The following STAU1 variants were observed in gnomAD, a reference collection of about 807,000 sequenced individuals.
The protein encoded by STAU1 is double-stranded RNA-binding protein Staufen homolog 1.
A neutral mutation model predicts 62.9 loss-of-function variants in STAU1; 13 were observed. That is an observed-to-expected ratio of 0.21 (90% confidence interval 0.13 to 0.33). STAU1 has a LOEUF of 0.33. Among genes scored for constraint, STAU1 ranks in the 10% least tolerant of loss-of-function variants. STAU1 has a pLI of 1.00. For missense variants in STAU1, 571 were observed against 712.1 expected (o/e 0.80, Z 2.25); for synonymous variants, 269 against 265.1 (o/e 1.01, Z -0.14).
At chr20:49,166,662 T>C (rs1452478765) in intron 2 of STAU1, among the ~76,000 whole-genome samples, 1 of 152,192 alleles carries the variant, frequency 6.6e-6, no homozygotes, top group Non-Finnish European at 1.5e-5. Context: ...GGTTTCTTTC[T>C]GGTCTCAAAA....
Position 49,115,879 on chromosome 20 carries a change from G to A in STAU1, c.1633-12C>T, listed in dbSNP as rs1368983875. 6.2e-7 allele frequency: 1 copy of A among 1,613,226 alleles called. No individual in the cohort carries two copies. The highest frequency in any genetic ancestry group is 1.1e-5 in the South Asian group (1 of 91,042). ...ATGTTCAGCGCAGCCTAGTGGGGAT[G>A]GAAAGAAGGGTAAAGCCACAGCCAC... On this transcript the variant is annotated splice_polypyrimidine_tract_variant and intron_variant, in intron 12 of 13. Coordinates refer to ENST00000371856, the MANE Select transcript of STAU1 (RefSeq NM_017453.4).
rs548733836 is a variant in STAU1, at chr20:49,187,656, G to A, written c.-160+460C>T. Among the ~76,000 whole-genome samples, 54 of 152,152 alleles carry A rather than the reference G, an allele frequency of 3.5e-4. No homozygotes were observed. The East Asian group carries it at 9.5e-3, about 27-fold the overall frequency. On this transcript the variant is annotated intron_variant, in intron 1 of 13. Coordinates refer to ENST00000371856, the MANE Select transcript of STAU1 (RefSeq NM_017453.4). Reference sequence around the variant, plus strand: ...GACTTTTTAAGTGTCTTGCCTAACGGGGCAGAGCCGGGTTCGGCACCCGTT... The same window carrying A: ...GACTTTTTAAGTGTCTTGCCTAACGAGGCAGAGCCGGGTTCGGCACCCGTT...
chr20:49,118,320 A>G lies in STAU1; in HGVS notation c.1189+13T>C. ...TCACGTTCAGAGGAAGACGATATTA[A>G]GATCACACTTACTAGTCCCATTTTC... On this transcript the variant is annotated intron_variant, in intron 10 of 13. Coordinates refer to ENST00000371856, the MANE Select transcript of STAU1 (RefSeq NM_017453.4). The G allele has an allele frequency of 6.2e-7, 1 of 1,608,964 alleles. No individual in the cohort carries two copies. Among genetic ancestry groups the G allele is most frequent in the African/African-American group, 1.3e-5 (1 of 74,746 alleles).
At chr20:49,123,268 G>A in intron 7 of STAU1, 33 bp from the exon 8 acceptor site, 1 of 1,614,042 alleles carries the variant, frequency 6.2e-7, no homozygotes, top group East Asian at 2.2e-5. Context: ...ACTCTGTAAT[G>A]TTATTCACCG....
intron 3 of STAU1, chr20:49,158,520 C>T (rs1568899949): frequency 7.7e-7 from 1 of 1,303,252 alleles, no homozygotes; most frequent in Admixed American, 2.3e-5. Flanking sequence ...AACAAAGAAT[C>T]CTTTATTGGC....
At chr20:49,189,201 C>CAAAAAA (rs545643816), upstream of STAU1, among the ~76,000 whole-genome samples, 13 of 33,622 alleles carry the variant, frequency 3.9e-4, 1 homozygote, top group Non-Finnish European at 5.7e-4. Flanking sequence ...ACACTGGTCT[C>CAAAAAA]AAAAAAAAAA....
chr20:49,186,531 A>T (rs777558481), intron 1 of STAU1, among the ~76,000 whole-genome samples: 5 of 152,102 alleles, frequency 3.3e-5, no homozygotes, highest in Non-Finnish European at 7.3e-5. Flanking sequence ...AAGATACAGG[A>T]GGATCACTCA....
At chr20:49,198,710 T>C in the STAU1 span, among the ~76,000 whole-genome samples, 1 of 151,868 alleles carries the variant, frequency 6.6e-6, no homozygotes, top group African/African-American at 2.4e-5. Flanking sequence ...CCGCCTGTAA[T>C]TTCAGCACTT....
Position 49,139,866 on chromosome 20 carries a change from C to G in STAU1, c.511-3935G>C, listed in dbSNP as rs2092969206. On this transcript the variant is annotated intron_variant, in intron 5 of 13. Coordinates refer to ENST00000371856, the MANE Select transcript of STAU1 (RefSeq NM_017453.4). ...TTATGAAAATGTAAAATGGTTGTACCAGATTTGGATTTTATTAAAAATAAA... is the reference window on the plus strand; with the variant it reads ...TTATGAAAATGTAAAATGGTTGTACGAGATTTGGATTTTATTAAAAATAAA... 2.0e-5 allele frequency among the ~76,000 whole-genome samples: 3 copies of G among 151,588 alleles called. No homozygotes were observed. The South Asian group carries it at 6.2e-4, about 32-fold the overall frequency.
At chr20:49,143,591 T>TCAAAA (rs986593691) in intron 5 of STAU1, among the ~76,000 whole-genome samples, 4 of 152,126 alleles carry the variant, frequency 2.6e-5, no homozygotes, top group African/African-American at 4.8e-5. Flanking sequence ...AGACCCTATT[T>TCAAAA]CAAAACAAAA....
At chr20:49,177,664 G>A (rs1358768184) in intron 1 of STAU1, among the ~76,000 whole-genome samples, 4 of 152,060 alleles carry the variant, frequency 2.6e-5, no homozygotes, top group African/African-American at 9.6e-5. Flanking sequence ...GGATGACAGA[G>A]TGAGACTCCG....
chr20:49,199,178 A>G, the STAU1 span, among the ~76,000 whole-genome samples: 2 of 151,982 alleles, frequency 1.3e-5, no homozygotes, highest in South Asian at 2.1e-4. Flanking sequence ...ACCAAATAGG[A>G]GAATGTAGAG....
At chr20:49,140,242 A>C (rs1354447905) in intron 5 of STAU1, among the ~76,000 whole-genome samples, 1 of 152,158 alleles carries the variant, frequency 6.6e-6, no homozygotes, top group Non-Finnish European at 1.5e-5. Context: ...GCTATGGAAA[A>C]CAGCTTGGTA....
At chr20:49,191,270 A>G (rs1568958090), upstream of STAU1, among the ~76,000 whole-genome samples, 2 of 152,068 alleles carry the variant, frequency 1.3e-5, no homozygotes, top group Non-Finnish European at 1.5e-5. Context: ...CAGGTGATCC[A>G]CCCGCCTCGG....
intron 6 of STAU1, among the ~76,000 whole-genome samples, chr20:49,135,533 C>T (rs2092860034): frequency 6.6e-6 from 1 of 152,178 alleles, no homozygotes; most frequent in Admixed American, 6.5e-5. Flanking sequence ...CTCCACCCTT[C>T]CCTATCCAGA....
chr20:49,151,323 T>C (rs1006455915), intron 5 of STAU1, among the ~76,000 whole-genome samples: 2 of 152,194 alleles, frequency 1.3e-5, no homozygotes, highest in Non-Finnish European at 2.9e-5. Flanking sequence ...CTTTCTAACG[T>C]GTTCACACCG....
chr20:49,219,111 C>CT, the STAU1 span, among the ~76,000 whole-genome samples: 5 of 150,984 alleles, frequency 3.3e-5, no homozygotes, highest in Non-Finnish European at 7.4e-5. Flanking sequence ...TCTTCCACAG[C>CT]TTTTTTTTGT....
chr20:49,219,282 C>T, the STAU1 span: 3 of 1,444,870 alleles, frequency 2.1e-6, no homozygotes, highest in Non-Finnish European at 2.8e-6. Context: ...CCAACCACGC[C>T]CCATATTGCC....
intron 3 of STAU1, chr20:49,159,003 C>G: frequency 5.4e-6 from 7 of 1,295,956 alleles, no homozygotes; most frequent in Non-Finnish European, 7.1e-6. Context: ...TGCAGTCCAT[C>G]AGGCTACTCA....
Sources: gnomAD v4.1 joint callset for allele counts (sites outside exome capture counted in the v4.1 genomes callset) on GRCh38, gnomAD v4.1.1 for gene constraint, MANE v1.5 for transcripts, NCBI Gene and HGNC (gene_info 2026-07-23, HGNC 2026-07-21) for gene names.